ZSCAN21: variants seen among roughly 807,000 people sequenced by gnomAD.
ZSCAN21 encodes zinc finger and SCAN domain containing 21, also known as zinc finger and SCAN domain-containing protein 21.
ZSCAN21 carries 26 observed loss-of-function variants against 35.6 expected under a neutral mutation model. That is an observed-to-expected ratio of 0.73 (90% CI 0.54 to 1.01). The LOEUF is 1.01. Ranked by LOEUF, ZSCAN21 falls within the 50% of genes least tolerant of loss-of-function variation. The pLI is 0.00. For synonymous variants in ZSCAN21, 219 were observed against 219.3 expected, an observed-to-expected ratio of 1.00 and a Z score of 0.01; for missense variants, 593 against 587.1, an observed-to-expected ratio of 1.01 and a Z score of -0.10.
chr7:100,057,349 G>A lies in ZSCAN21; in HGVS notation c.343G>A (p.Glu115Lys). 6.3e-7 allele frequency: 1 copy of A among 1,597,268 alleles called. No homozygotes were observed. Among genetic ancestry groups the A allele is most frequent in the Non-Finnish European group, 8.5e-7 (1 of 1,172,498 alleles). The change falls in exon 2 of 4, where the codon GAG becomes AAG. Residue 115 changes from glutamate (E) to lysine (K), a missense_variant. Glu to Lys is a moderately conservative substitution (Grantham distance 56). Coordinates refer to ENST00000292450, the MANE Select transcript of ZSCAN21 (RefSeq NM_145914.3). ...GGAGCATTGCCCGGAGAGCGCTGAA[G>A]AGGCTGTCACTCTCCTCGAAGATCT... ...VQEHCPESAE[E>K]AVTLLEDLER...
chr7:100,062,412 A>G lies in ZSCAN21; in HGVS notation c.593-1376A>G, dbSNP rs559066754. Among the ~76,000 whole-genome samples, 12 of 150,996 alleles carry G rather than the reference A, an allele frequency of 7.9e-5. No homozygotes were observed. The East Asian group carries it at 1.9e-3, about 24-fold the overall frequency. On this transcript the variant is annotated intron_variant, in intron 3 of 3. Transcript: ENST00000292450. The stretch of plus-strand genomic sequence containing the variant: ...TCTAGACCAGCCTATGGTCTAGAAC[A>G]TGGAGAAACCCTGTCTCTACTAAAA...
At chr7:100,058,798 C>G (rs1792175678) in intron 3 of ZSCAN21, among the ~76,000 whole-genome samples, 1 of 152,138 alleles carries the variant, frequency 6.6e-6, no homozygotes, top group African/African-American at 2.4e-5. Flanking sequence ...CAGCCTCAAT[C>G]TCTGGGGCTC....
intron 3 of ZSCAN21, among the ~76,000 whole-genome samples, chr7:100,062,044 G>A (rs972860956): frequency 8.5e-5 from 13 of 152,146 alleles, no homozygotes; most frequent in African/African-American, 1.4e-4. Flanking sequence ...AATGATGAGC[G>A]TGAAGCCCTC....
At chr7:100,063,525 C>CA (rs2116166166) in intron 3 of ZSCAN21, among the ~76,000 whole-genome samples, 1 of 152,188 alleles carries the variant, frequency 6.6e-6, no homozygotes, top group South Asian at 2.1e-4. Context: ...TCGCTTGAAT[C>CA]AGGGAGTTGG....
rs190020787 is a variant in ZSCAN21 at position 100,056,220 on chromosome 7, C to T, written c.-96-691C>T. Among the ~76,000 whole-genome samples, 3 of 152,274 alleles carry T rather than the reference C, an allele frequency of 2.0e-5. No individual in the cohort carries two copies. The East Asian group carries it at 5.8e-4, about 29-fold the overall frequency. On this transcript the variant is annotated intron_variant, in intron 1 of 3. Coordinates refer to ENST00000292450, the MANE Select transcript of ZSCAN21 (RefSeq NM_145914.3). Reference sequence around the variant, plus strand: ...CCTCCCAAAGTGCTGGGATTACAGGCGTGAGCCACCATGCCTGGCCTTGAC... The same window carrying T: ...CCTCCCAAAGTGCTGGGATTACAGGTGTGAGCCACCATGCCTGGCCTTGAC...
rs190725726 is a variant in ZSCAN21, at chr7:100,064,701, G to A, written c.*84G>A. On this transcript the variant is annotated 3_prime_UTR_variant, in exon 4 of 4. Coordinates refer to ENST00000292450, the MANE Select transcript of ZSCAN21 (RefSeq NM_145914.3). ...GAAGTCTTGTCATTGCAGCAGCATC[G>A]ATTCCGGTGATAGAGTTTGTATCAC... 9 of 1,606,844 alleles carry A rather than the reference G, an allele frequency of 5.6e-6. No homozygotes were observed. The highest frequency in any genetic ancestry group is 3.4e-5 in the Admixed American group (2 of 59,274).
intron 3 of ZSCAN21, among the ~76,000 whole-genome samples, chr7:100,062,581 G>A (rs1357395226): frequency 2.1e-5 from 3 of 140,354 alleles, no homozygotes; most frequent in Non-Finnish European, 4.6e-5. Flanking sequence ...GACAACAGGA[G>A]CAAAACTCCA....
In ZSCAN21 at chr7:100,061,172, TA is replaced by T. The variant is rs144327236; in HGVS notation, c.593-2613del. On this transcript the variant is annotated intron_variant, in intron 3 of 3. Transcript: ENST00000292450. ...CAGTGCAGCCTGGAAGACAATGAAA[TA>T]AATAGTCCTGGTAAATTCTTTTTCA... Among the ~76,000 whole-genome samples, 1,210 of 152,274 alleles carry T rather than the reference TA, an allele frequency of 7.9e-3. 15 individuals carry two copies. Among genetic ancestry groups the T allele is most frequent in the African/African-American group, 0.028 (1,143 of 41,546 alleles).
chr7:100,059,508 T>C (rs1258624499), intron 3 of ZSCAN21, among the ~76,000 whole-genome samples: 3 of 150,828 alleles, frequency 2.0e-5, no homozygotes, highest in African/African-American at 7.3e-5. Flanking sequence ...TGCTGGGCCC[T>C]CCTAAGGAAA....
At chr7:100,061,780 G>C (rs1792298088) in intron 3 of ZSCAN21, among the ~76,000 whole-genome samples, 1 of 152,206 alleles carries the variant, frequency 6.6e-6, no homozygotes, top group South Asian at 2.1e-4. Flanking sequence ...GGTTCCTAGG[G>C]AAGGGGAAAC....
intron 1 of ZSCAN21, chr7:100,051,332 C>A (rs1300760668): frequency 1.2e-5 from 1 of 81,098 alleles, no homozygotes; most frequent in Non-Finnish European, 2.3e-5. Flanking sequence ...CTCGCTCTGT[C>A]GCCTAGGTTG....
chr7:100,056,982 T>G lies in ZSCAN21; in HGVS notation c.-25T>G, dbSNP rs1205588390. On this transcript the variant is annotated 5_prime_UTR_variant, in exon 2 of 4. Coordinates refer to ENST00000292450, the MANE Select transcript of ZSCAN21 (RefSeq NM_145914.3). ...TTCCTGCCCCACAGAGTCCCATCTT[T>G]GGTGAGGCTGTTTCTGGAGTTTACA... The G allele has an allele frequency of 6.4e-7, 1 of 1,552,784 alleles. No homozygotes were observed. Among genetic ancestry groups the G allele is most frequent in the South Asian group, 1.2e-5 (1 of 82,224 alleles).
intron 3 of ZSCAN21, among the ~76,000 whole-genome samples, chr7:100,062,805 C>T (rs906084262): frequency 3.9e-5 from 6 of 152,138 alleles, no homozygotes; most frequent in East Asian, 1.9e-4. Flanking sequence ...AACCCAGGAG[C>T]GGAGACTGCG....
In ZSCAN21 at chr7:100,053,546, A is replaced by ATACATAGTTTTTTTTTTTTTTTTTTTTT. The variant is rs755978112; in HGVS notation, c.-96-3364_-96-3363insACATAGTTTTTTTTTTTTTTTTTTTTTT. 1.3e-4 allele frequency among the ~76,000 whole-genome samples: 10 copies of ATACATAGTTTTTTTTTTTTTTTTTTTTT among 79,488 alleles called. 2 individuals carry two copies. Among genetic ancestry groups the ATACATAGTTTTTTTTTTTTTTTTTTTTT allele is most frequent in the Non-Finnish European group, 1.5e-4 (6 of 38,918 alleles). 52.1% of individuals were successfully genotyped at this position (79,488 alleles called of 152,430 possible). ...ACATACATACATACATACATACATAATTTTTTTTTTTTTTTTTTTTTTGCA... is the reference window on the plus strand; with the variant it reads ...ACATACATACATACATACATACATAATACATAGTTTTTTTTTTTTTTTTTTTTTTTTTTTTTTTTTTTTTTTTTTTGCA... On this transcript the variant is annotated intron_variant, in intron 1 of 3. Coordinates refer to ENST00000292450, the MANE Select transcript of ZSCAN21 (RefSeq NM_145914.3).
intron 3 of ZSCAN21, among the ~76,000 whole-genome samples, chr7:100,062,936 G>C (rs1255138270): frequency 6.6e-6 from 1 of 152,200 alleles, no homozygotes. Flanking sequence ...GCCCAGGCCA[G>C]CACAATCATG....
rs748631166 is a variant in ZSCAN21 at position 100,057,410 on chromosome 7, G to T, written c.399+5G>T. The T allele has an allele frequency of 2.0e-6, 3 of 1,532,694 alleles. No homozygotes were observed. Among genetic ancestry groups the T allele is most frequent in the Non-Finnish European group, 1.7e-6 (2 of 1,143,658 alleles). 94.9% of individuals were successfully genotyped at this position (1,532,694 alleles called of 1,614,324 possible). On this transcript the variant is annotated splice_donor_5th_base_variant and intron_variant, in intron 2 of 3. Transcript: ENST00000292450. ...CTGGATGAGCCAGGACACCAGGTAG[G>T]CAGGAGAGACCTTTGTTATTCTAGG... is the stretch of plus-strand genomic sequence containing the variant.
intron 1 of ZSCAN21, among the ~76,000 whole-genome samples, chr7:100,055,797 G>A (rs967821554): frequency 5.9e-5 from 9 of 151,580 alleles, no homozygotes; most frequent in East Asian, 2.0e-4. Flanking sequence ...CTGCAACCAC[G>A]CCCGGCTAAC....
In ZSCAN21 at chr7:100,064,327, C is replaced by T. The variant is rs1208416067; in HGVS notation, c.1132C>T (p.His378Tyr). 6.2e-7 allele frequency: 1 copy of T among 1,613,864 alleles called. No homozygotes were observed. The highest frequency in any genetic ancestry group is 1.7e-5 in the Admixed American group (1 of 59,974). Reference protein sequence around the residue: ...AFSGKGSLIRHYRIHTGEKPY... With the variant: ...AFSGKGSLIRYYRIHTGEKPY... ...CAGCGGGAAAGGCAGCCTCATTCGT[C>T]ACTATCGGATCCACACTGGGGAGAA... The change falls in exon 4 of 4, where the codon CAC becomes TAC. Residue 378 changes from histidine to tyrosine, a missense_variant. Physicochemically the swap from His to Tyr is moderately conservative, Grantham distance 83. Transcript: ENST00000292450.
chr7:100,054,036 C>T (rs190788338), intron 1 of ZSCAN21, among the ~76,000 whole-genome samples: 23 of 151,784 alleles, frequency 1.5e-4, no homozygotes, highest in African/African-American at 4.1e-4. Context: ...AAAGAATGCT[C>T]TCCAGCACAG....
Sources: allele counts gnomAD v4.1 joint callset (sites outside exome capture counted in the v4.1 genomes callset), GRCh38; gene constraint gnomAD v4.1.1; transcripts MANE v1.5; gene names NCBI Gene and HGNC (gene_info 2026-07-23, HGNC 2026-07-21).